The following PPM1L variants were observed in gnomAD, a reference collection of about 807,000 sequenced individuals.
PPM1L encodes protein phosphatase, Mg2+/Mn2+ dependent 1L.
PPM1L carries 13 observed loss-of-function variants against 31.4 expected under a neutral mutation model. That is an observed-to-expected ratio of 0.41 (90% CI 0.27 to 0.66). The LOEUF (loss-of-function observed/expected upper bound fraction) is 0.66. Among genes scored for constraint, PPM1L ranks in the 30% least tolerant of loss-of-function variants. The pLI, the probability that PPM1L is intolerant of heterozygous loss-of-function variation, is 0.29. For synonymous variants in PPM1L, 184 were observed against 175.4 expected (o/e 1.05, Z -0.39); for missense variants, 326 against 453.7 (o/e 0.72, Z 2.56).
At chr3:161,038,550 C>T (rs1397305980) in intron 2 of PPM1L, among the ~76,000 whole-genome samples, 3 of 140,458 alleles carry the variant, frequency 2.1e-5, no homozygotes, top group Non-Finnish European at 4.5e-5. Context: ...AAGAGATCCT[C>T]TTGCCTTGGC....
At chr3:161,065,127 G>C (rs1054461658) in intron 2 of PPM1L, among the ~76,000 whole-genome samples, 1 of 152,082 alleles carries the variant, frequency 6.6e-6, no homozygotes, top group Non-Finnish European at 1.5e-5. Flanking sequence ...TTTTAAATGT[G>C]ATATGTGTTT....
chr3:160,979,593 G>T (rs1716727524), intron 2 of PPM1L, among the ~76,000 whole-genome samples: 1 of 151,888 alleles, frequency 6.6e-6, no homozygotes, highest in East Asian at 1.9e-4. Context: ...CCTGCTATAT[G>T]TAAAAATTAG....
chr3:160,785,093 T>C (rs1315129649), intron 1 of PPM1L, among the ~76,000 whole-genome samples: 1 of 152,198 alleles, frequency 6.6e-6, no homozygotes, highest in Non-Finnish European at 1.5e-5. Context: ...CAGTCCATTT[T>C]TTTCCTTATC....
At chr3:160,805,152 C>A (rs1712558750) in intron 1 of PPM1L, among the ~76,000 whole-genome samples, 1 of 152,188 alleles carries the variant, frequency 6.6e-6, no homozygotes, top group Non-Finnish European at 1.5e-5. Flanking sequence ...ATTACTACCT[C>A]TGTATTCCAC....
rs559675945 is a variant in PPM1L at position 160,953,305 on chromosome 3, C to T, written c.400-8431C>T. On this transcript the variant is annotated intron_variant, in intron 1 of 3. Coordinates refer to ENST00000498165, the MANE Select transcript of PPM1L (RefSeq NM_139245.4). ...AAACTTCATAAAATTGCTTACTATTCACTAAGTCTTAGAATTGGTAATAAA... is the reference window on the plus strand; with the variant it reads ...AAACTTCATAAAATTGCTTACTATTTACTAAGTCTTAGAATTGGTAATAAA... 3.3e-5 allele frequency among the ~76,000 whole-genome samples: 5 copies of T among 152,220 alleles called. No individual in the cohort carries two copies. In the South Asian group the frequency reaches 8.3e-4, roughly 25 times the overall value.
intron 1 of PPM1L, among the ~76,000 whole-genome samples, chr3:160,786,183 G>A (rs532810783): frequency 1.3e-3 from 85 of 67,898 alleles, no homozygotes; most frequent in African/African-American, 7.5e-3. Flanking sequence ...GTGTGTGTGT[G>A]TGTGTATATA....
At chr3:160,945,029 CTATATATAACAT>C in intron 1 of PPM1L, among the ~76,000 whole-genome samples, 1 of 39,762 alleles carries the variant, frequency 2.5e-5, no homozygotes, top group Non-Finnish European at 8.4e-5. Flanking sequence ...TTATATATAA[CTATATATAACAT>C]ATATATTATA....
rs374066560 is a variant in PPM1L, at chr3:160,885,274, TATAA to T, written c.400-76458_400-76455del. On this transcript the variant is annotated intron_variant, in intron 1 of 3. Coordinates refer to ENST00000498165, the MANE Select transcript of PPM1L (RefSeq NM_139245.4). ...CTTTTTTAAAAGCTATGAAGAAAAATATAAATAGATTTATGTAAGCAAAGGCAAA... is the reference window on the plus strand; with the variant it reads ...CTTTTTTAAAAGCTATGAAGAAAAATATAGATTTATGTAAGCAAAGGCAAA... 5.6e-4 allele frequency among the ~76,000 whole-genome samples: 85 copies of T among 152,292 alleles called. 1 individual carries two copies. In the East Asian group the frequency reaches 0.016, roughly 28 times the overall value.
At chr3:160,922,968 C>T (rs112786331) in intron 1 of PPM1L, among the ~76,000 whole-genome samples, 62 of 152,230 alleles carry the variant, frequency 4.1e-4, no homozygotes, top group Non-Finnish European at 7.2e-4. Flanking sequence ...TTTCTGCCAA[C>T]GAATAAACTA....
intron 2 of PPM1L, among the ~76,000 whole-genome samples, chr3:161,052,723 G>T (rs1188541492): frequency 6.6e-6 from 1 of 152,110 alleles, no homozygotes; most frequent in African/African-American, 2.4e-5. Context: ...ATTTGTATAA[G>T]GATAACCTAA....
At chr3:160,930,926 A>G (rs973923287) in intron 1 of PPM1L, among the ~76,000 whole-genome samples, 5 of 152,164 alleles carry the variant, frequency 3.3e-5, no homozygotes, top group African/African-American at 9.7e-5. Flanking sequence ...AAGCAAGCAT[A>G]TGGTTAGATA....
chr3:161,041,944 A>AT (rs1718922454), intron 2 of PPM1L, among the ~76,000 whole-genome samples: 2 of 152,326 alleles, frequency 1.3e-5, no homozygotes, highest in South Asian at 4.1e-4. Flanking sequence ...GTTAAAAAAT[A>AT]TTTTTAAATT....
rs569385489 is a variant in PPM1L, at chr3:160,990,911, G to A, written c.574+29001G>A. Among the ~76,000 whole-genome samples the A allele has an allele frequency of 7.9e-5, 12 of 152,198 alleles. 1 individual carries two copies. The South Asian group carries it at 2.5e-3, about 32-fold the overall frequency. ...TGAATAAGTCCCAGTCATACCCACA[G>A]TTATTTTGACAACCAAAAATGCCCC... On this transcript the variant is annotated intron_variant, in intron 2 of 3. Transcript: ENST00000498165.
chr3:160,954,961 T>TTCCTTCCTTCCTTTC (rs201255529), intron 1 of PPM1L, among the ~76,000 whole-genome samples: 1 of 113,386 alleles, frequency 8.8e-6, no homozygotes, highest in Non-Finnish European at 2.0e-5. Context: ...CCTTCCTTCC[T>TTCCTTCCTTCCTTTC]TTCCTTTCCT....
chr3:160,902,317 A>G (rs111862559), intron 1 of PPM1L, among the ~76,000 whole-genome samples: 2 of 152,206 alleles, frequency 1.3e-5, no homozygotes, highest in African/African-American at 4.8e-5. Context: ...AATGGTGGGC[A>G]CATTGGTATC....
rs531428478 is a variant in PPM1L at position 160,962,215 on chromosome 3, C to T, written c.574+305C>T. 7.7e-4 allele frequency among the ~76,000 whole-genome samples: 117 copies of T among 152,004 alleles called. 2 individuals are homozygous for T. In the South Asian group the frequency reaches 8.1e-3, roughly 11 times the overall value. On this transcript the variant is annotated intron_variant, in intron 2 of 3. Coordinates refer to ENST00000498165, the MANE Select transcript of PPM1L (RefSeq NM_139245.4). ...GATAGCAACTGAAAACTTTTACATC[C>T]GAGAATCCAAGAAATGTTATTCGAT...
intron 2 of PPM1L, among the ~76,000 whole-genome samples, chr3:161,055,687 A>AGT (rs997896210): frequency 1.3e-5 from 2 of 152,066 alleles, no homozygotes; most frequent in Non-Finnish European, 2.9e-5. Context: ...AAATCCTTGA[A>AGT]GTGTGTGTGT....
chr3:160,777,689 G>T (rs753529851), intron 1 of PPM1L, among the ~76,000 whole-genome samples: 1 of 152,024 alleles, frequency 6.6e-6, no homozygotes, highest in African/African-American at 2.4e-5. Context: ...CATGTGACAG[G>T]ATTTCTTTCG....
In PPM1L at chr3:160,914,463, C is replaced by T. The variant is rs562112048; in HGVS notation, c.400-47273C>T. ...CCTCCCCCCACCCCACAACAGGTCCCGGTGTGTGACGTTCCCTTTCCTGTG... is the reference window on the plus strand; with the variant it reads ...CCTCCCCCCACCCCACAACAGGTCCTGGTGTGTGACGTTCCCTTTCCTGTG... On this transcript the variant is annotated intron_variant, in intron 1 of 3. Coordinates refer to ENST00000498165, the MANE Select transcript of PPM1L (RefSeq NM_139245.4). Among the ~76,000 whole-genome samples the T allele has an allele frequency of 1.9e-4, 27 of 140,500 alleles. 1 individual carries two copies. In the South Asian group the frequency reaches 4.8e-3, roughly 25 times the overall value. The allele number at this position is 140,500 out of a possible 152,430, so 92.2% of individuals were successfully genotyped here.
Sources: gnomAD v4.1 joint callset for allele counts (sites outside exome capture counted in the v4.1 genomes callset) on GRCh38, gnomAD v4.1.1 for gene constraint, MANE v1.5 for transcripts, NCBI Gene and HGNC (gene_info 2026-07-23, HGNC 2026-07-21) for gene names.